The following FRMD6 variants were observed in gnomAD, a reference collection of about 807,000 sequenced individuals.
The protein encoded by FRMD6 is FERM domain containing 6.
Under a neutral mutation model 73.2 loss-of-function variants are expected in FRMD6, and 37 were observed. The observed-to-expected ratio is 0.51, with a 90% confidence interval of 0.39 to 0.66. FRMD6 has a LOEUF of 0.66. Among genes scored for constraint, FRMD6 ranks in the 30% least tolerant of loss-of-function variants. The probability of loss-of-function intolerance (pLI) is 0.00; values close to 1 mark genes in which losing one functional copy is unlikely to be tolerated. For missense variants in FRMD6, 714 were observed against 780.5 expected (o/e 0.91, Z 1.02); for synonymous variants, 273 against 282.2 (o/e 0.97, Z 0.33).
At chr14:51,526,046 G>A (rs781662353) in intron 1 of FRMD6, among the ~76,000 whole-genome samples, 11 of 152,200 alleles carry the variant, frequency 7.2e-5, no homozygotes, top group Non-Finnish European at 1.5e-4. Flanking sequence ...ATACCAGTGA[G>A]CTGTGTCTTG....
chr14:51,407,598 A>G, the FRMD6 span, among the ~76,000 whole-genome samples: 2 of 152,000 alleles, frequency 1.3e-5, no homozygotes, highest in African/African-American at 2.4e-5. Flanking sequence ...ACATTAAAAA[A>G]GGAATTTGTC....
rs112816584 is a variant in FRMD6, at chr14:51,721,692, CAGGA to C, written c.1361-233_1361-230del. On this transcript the variant is annotated intron_variant, in intron 11 of 13. Transcript: ENST00000344768. The stretch of plus-strand genomic sequence containing the variant: ...AAGTAGTACCTGTTGAAAATGGTCC[CAGGA>C]AGGAAGGAAGGAAGGAAGGAAGGGA... Among the ~76,000 whole-genome samples the C allele has an allele frequency of 3.0e-3, 315 of 104,384 alleles. 1 individual carries two copies. The highest frequency in any genetic ancestry group is 0.01 in the Middle Eastern group (2 of 192). 68.5% of individuals were successfully genotyped at this position (104,384 alleles called of 152,430 possible). A position where few individuals can be genotyped will look rare whatever the true frequency, so the allele number is the denominator to read the frequency against.
chr14:51,596,248 G>GGT (rs3060588), intron 2 of FRMD6, among the ~76,000 whole-genome samples: 3,285 of 147,614 alleles, frequency 0.022, 58 homozygotes, highest in African/African-American at 0.048. Context: ...AGGAGAGCCT[G>GGT]GTGTGTGTGT....
upstream of FRMD6, chr14:51,651,416 T>A (rs1317840957): frequency 6.6e-6 from 1 of 152,146 alleles, no homozygotes; most frequent in Non-Finnish European, 1.5e-5. Flanking sequence ...AAGACGACAC[T>A]CAGGCCAAAC....
At chr14:51,431,423 C>G in the FRMD6 span, among the ~76,000 whole-genome samples, 1 of 152,134 alleles carries the variant, frequency 6.6e-6, no homozygotes, top group Admixed American at 6.5e-5. Flanking sequence ...GAAAAGTCAC[C>G]CACAGTACTA....
intron 1 of FRMD6, among the ~76,000 whole-genome samples, chr14:51,508,193 A>C (rs1884086270): frequency 6.6e-6 from 1 of 151,690 alleles, no homozygotes; most frequent in Non-Finnish European, 1.5e-5. Flanking sequence ...GGGTGACCCC[A>C]TCCGGCCCTG....
intron 2 of FRMD6, among the ~76,000 whole-genome samples, chr14:51,633,621 A>G (rs7149984): frequency 0.12 from 12,302 of 99,012 alleles, 1,358 homozygotes; most frequent in Middle Eastern, 0.29. Flanking sequence ...AAAAAAAAAA[A>G]GAAATAATTA....
At chr14:51,513,900 G>A (rs1884467996) in intron 1 of FRMD6, among the ~76,000 whole-genome samples, 1 of 152,244 alleles carries the variant, frequency 6.6e-6, no homozygotes, top group Non-Finnish European at 1.5e-5. Flanking sequence ...TGTCTGGGAA[G>A]CTTAGACTGT....
intron 2 of FRMD6, among the ~76,000 whole-genome samples, chr14:51,599,544 A>G (rs1172458498): frequency 6.6e-6 from 1 of 152,234 alleles, no homozygotes; most frequent in African/African-American, 2.4e-5. Context: ...CAATCAACAG[A>G]GTAAACAGAC....
intron 1 of FRMD6, among the ~76,000 whole-genome samples, chr14:51,567,469 C>T (rs569296994): frequency 6.6e-6 from 1 of 152,316 alleles, no homozygotes; most frequent in African/African-American, 2.4e-5. Flanking sequence ...GCCACAGTCT[C>T]CTTAGTAGCT....
intron 1 of FRMD6, among the ~76,000 whole-genome samples, chr14:51,490,884 A>T (rs1298448201): frequency 6.6e-6 from 1 of 152,152 alleles, no homozygotes; most frequent in African/African-American, 2.4e-5. Context: ...CTTAAAATCC[A>T]GTTCTCCAAG....
At chr14:51,636,453 T>C (rs868582341) in intron 2 of FRMD6, among the ~76,000 whole-genome samples, 3 of 152,186 alleles carry the variant, frequency 2.0e-5, no homozygotes, top group African/African-American at 7.2e-5. Flanking sequence ...TCTATTCCTT[T>C]CTGCCAATAA....
At chr14:51,632,054 G>C (rs1249883081) in intron 2 of FRMD6, among the ~76,000 whole-genome samples, 1 of 152,242 alleles carries the variant, frequency 6.6e-6, no homozygotes, top group East Asian at 1.9e-4. Context: ...TAGAATCACA[G>C]AGGTGGTTTC....
chr14:51,678,471 C>G (rs1437343896), intron 1 of FRMD6, among the ~76,000 whole-genome samples: 2 of 152,150 alleles, frequency 1.3e-5, no homozygotes, highest in African/African-American at 4.8e-5. Flanking sequence ...CACATTTCCT[C>G]TATAACTAAT....
intron 2 of FRMD6, among the ~76,000 whole-genome samples, chr14:51,644,820 T>C (rs1165312310): frequency 1.3e-5 from 2 of 152,204 alleles, no homozygotes; most frequent in Non-Finnish European, 2.9e-5. Context: ...CTTAATTATA[T>C]AGGAATAACA....
At chr14:51,670,529 C>T (rs1051059077) in intron 1 of FRMD6, among the ~76,000 whole-genome samples, 1 of 152,104 alleles carries the variant, frequency 6.6e-6, no homozygotes, top group Non-Finnish European at 1.5e-5. Flanking sequence ...TCATGTTTAA[C>T]ACTAATTGAA....
At chr14:51,453,301 T>C in the FRMD6 span, among the ~76,000 whole-genome samples, 1 of 151,916 alleles carries the variant, frequency 6.6e-6, no homozygotes, top group Non-Finnish European at 1.5e-5. Flanking sequence ...GGATCCAACA[T>C]ACTCTGGGAC....
intron 1 of FRMD6, among the ~76,000 whole-genome samples, chr14:51,687,145 A>C (rs1328372509): frequency 6.6e-6 from 1 of 152,174 alleles, no homozygotes; most frequent in Non-Finnish European, 1.5e-5. Flanking sequence ...GAAAATTTCA[A>C]GTTATTTTAA....
chr14:51,692,472 A>ATATGTG (rs1555337008), intron 2 of FRMD6, among the ~76,000 whole-genome samples: 1 of 150,500 alleles, frequency 6.6e-6, no homozygotes, highest in Non-Finnish European at 1.5e-5. Flanking sequence ...ACGTGGTGCA[A>ATATGTG]TGTGTGTGTG....
Sources: gnomAD v4.1 joint callset for allele counts (sites outside exome capture counted in the v4.1 genomes callset) on GRCh38, gnomAD v4.1.1 for gene constraint, MANE v1.5 for transcripts, NCBI Gene and HGNC (gene_info 2026-07-23, HGNC 2026-07-21) for gene names.